STX16: variants seen among roughly 807,000 people sequenced by gnomAD.
STX16 encodes the protein syntaxin-16.
In STX16, 28 loss-of-function variants were observed where a neutral mutation model predicts 42.7. The observed-to-expected ratio is 0.66, with a 90% confidence interval of 0.49 to 0.90. The LOEUF (loss-of-function observed/expected upper bound fraction) is 0.90. Ranked by LOEUF, STX16 falls within the 40% of genes least tolerant of loss-of-function variation. The pLI, the probability that STX16 is intolerant of heterozygous loss-of-function variation, is 0.00. For synonymous variants in STX16, 156 were observed against 155.2 expected (o/e 1.00, Z -0.04); for missense variants, 361 against 420.9 (o/e 0.86, Z 1.24).
At position 58,667,537 on chromosome 20, in the gene STX16, A is replaced by G; in HGVS notation, c.192A>G (p.Pro64=). ...TGGTGTCAGGCATCAGCTTAGATCC[A>G]GAAGCAGCGATTGGTGTGACAAAAC... ...MALVSGISLD[P]EAAIGVTKRP... The change falls in exon 3 of 9, where the codon CCA becomes CCG. Residue 64 remains proline, a synonymous_variant. Transcript: ENST00000371141. 2 of 1,614,200 alleles carry G rather than the reference A, an allele frequency of 1.2e-6. No individual in the cohort carries two copies. The highest frequency in any genetic ancestry group is 1.7e-6 in the Non-Finnish European group (2 of 1,180,042).
intron 1 of STX16, 34 bp from the exon 2 acceptor site, chr20:58,659,589 G>C: frequency 6.2e-7 from 1 of 1,608,370 alleles, no homozygotes; most frequent in South Asian, 1.1e-5. Flanking sequence ...TTCCCCAACT[G>C]GATGGGACTG....
At chr20:58,652,279 G>A (rs1225458353) in intron 1 of STX16, 141 bp downstream of exon 1, 3 of 1,255,190 alleles carry the variant, frequency 2.4e-6, no homozygotes, top group Non-Finnish European at 3.3e-6. Context: ...CTTGGCTAGA[G>A]TCAGGGGGCA....
At position 58,679,410 on chromosome 20, in the gene STX16, T is replaced by C. The variant is rs2084218431; in HGVS notation, c.*3119T>C. The C allele has an allele frequency of 6.6e-6, 1 of 152,666 alleles. No homozygotes were observed. The highest frequency in any genetic ancestry group is 1.5e-5 in the Non-Finnish European group (1 of 68,030). 9.5% of individuals were successfully genotyped at this position (152,666 alleles called of 1,614,324 possible). Reference sequence around the variant, plus strand: ...TAAAGCAATTAGTGAAGCACTTCTATCCAAAATGACTTTTTTGTCCTTTTT... The same window carrying C: ...TAAAGCAATTAGTGAAGCACTTCTACCCAAAATGACTTTTTTGTCCTTTTT... On this transcript the variant is annotated 3_prime_UTR_variant, in exon 9 of 9. Coordinates refer to ENST00000371141, the MANE Select transcript of STX16 (RefSeq NM_001001433.3).
chr20:58,665,510 G>A (rs555729289), intron 2 of STX16, among the ~76,000 whole-genome samples: 5 of 152,080 alleles, frequency 3.3e-5, no homozygotes, highest in African/African-American at 9.7e-5. Context: ...TTGGGCAAGC[G>A]ACTTAACTTT....
chr20:58,667,802 AAG>A (rs1416173269), intron 3 of STX16, among the ~76,000 whole-genome samples, 183 bp from the exon 4 acceptor site: 1 of 152,226 alleles, frequency 6.6e-6, no homozygotes, highest in African/African-American at 2.4e-5. Flanking sequence ...GAATTATAGG[AAG>A]AAATTGAAAC....
At position 58,651,714 on chromosome 20, in the gene STX16, T is replaced by G; in HGVS notation, c.-293T>G. 2 of 312,970 alleles carry G rather than the reference T, an allele frequency of 6.4e-6. No homozygotes were observed. Among genetic ancestry groups the G allele is most frequent in the South Asian group, 3.6e-5 (1 of 27,636 alleles). The allele number at this position is 312,970 out of a possible 1,614,324, so 19.4% of individuals were successfully genotyped here. ...GATCCAAGGTTGGATTGGGGTGGGG[T>G]CTCTGGGACGTTGGATCGCTACGCA... On this transcript the variant is annotated 5_prime_UTR_variant, in exon 1 of 9. Coordinates refer to ENST00000371141, the MANE Select transcript of STX16 (RefSeq NM_001001433.3).
In STX16 at chr20:58,651,914, G is replaced by C; in HGVS notation, c.-93G>C. ...CCTTGTCGAGAAGCTTCCGTGAAAG[G>C]GTGGGCCAGCCGGGCCACGAGAAAG... On this transcript the variant is annotated 5_prime_UTR_variant, in exon 1 of 9. Coordinates refer to ENST00000371141, the MANE Select transcript of STX16 (RefSeq NM_001001433.3). 1 of 1,399,084 alleles carries C rather than the reference G, an allele frequency of 7.1e-7. No individual in the cohort carries two copies. The highest frequency in any genetic ancestry group is 2.3e-5 in the East Asian group (1 of 43,474). 86.7% of individuals were successfully genotyped at this position (1,399,084 alleles called of 1,614,324 possible). A position where few individuals can be genotyped will look rare whatever the true frequency, so the allele number is the denominator to read the frequency against.
chr20:58,673,725 C>A lies in STX16; in HGVS notation c.873+14C>A. Reference sequence around the variant, plus strand: ...CAGCTTCACAAGGTAATATGTCTTTCAAGACTTGGGAATCTTAGGAACTAT... The same window carrying A: ...CAGCTTCACAAGGTAATATGTCTTTAAAGACTTGGGAATCTTAGGAACTAT... On this transcript the variant is annotated intron_variant, in intron 8 of 8. Coordinates refer to ENST00000371141, the MANE Select transcript of STX16 (RefSeq NM_001001433.3). 1.3e-6 allele frequency: 2 copies of A among 1,582,760 alleles called. No homozygotes were observed. The highest frequency in any genetic ancestry group is 1.7e-6 in the Non-Finnish European group (2 of 1,151,912).
chr20:58,668,350 G>A (rs555652426), intron 4 of STX16, among the ~76,000 whole-genome samples: 47 of 152,292 alleles, frequency 3.1e-4, no homozygotes, highest in African/African-American at 1.1e-3. Context: ...AACTGCTGTG[G>A]ACGGATTAAG....
chr20:58,652,882 C>T (rs2083502881), intron 1 of STX16, among the ~76,000 whole-genome samples: 1 of 151,570 alleles, frequency 6.6e-6, no homozygotes, highest in South Asian at 2.1e-4. Context: ...TTTTAATTAA[C>T]CACAACCTTT....
intron 7 of STX16, among the ~76,000 whole-genome samples, chr20:58,671,661 A>G (rs1044854322): frequency 1.3e-5 from 2 of 152,168 alleles, no homozygotes; most frequent in Non-Finnish European, 2.9e-5. Flanking sequence ...TAACAGTTAC[A>G]TGATTCTCAT....
intron 7 of STX16, among the ~76,000 whole-genome samples, chr20:58,672,726 G>A (rs1200686848): frequency 6.6e-6 from 1 of 152,174 alleles, no homozygotes; most frequent in African/African-American, 2.4e-5. Flanking sequence ...GACTCTGACC[G>A]AGCTCAGCAA....
intron 2 of STX16, among the ~76,000 whole-genome samples, chr20:58,662,656 G>A (rs1193462233): frequency 6.6e-6 from 1 of 152,122 alleles, no homozygotes; most frequent in Non-Finnish European, 1.5e-5. Context: ...GACTACAGGT[G>A]CGTGCCACCA....
At position 58,671,217 on chromosome 20, in the gene STX16, C is replaced by T. The variant is rs759584494; in HGVS notation, c.712C>T (p.Arg238Ter). ...CACACTGATGGTGGAAGAGCGGGAA[C>T]GAGAGATTCGCCAGATTGTACAGTC... ...QNTLMVEEREREIRQIVQSIS... is the reference protein window; with the variant it reads ...QNTLMVEERE The change falls in exon 7 of 9, where the codon CGA (arginine) becomes TGA (stop). Residue 238 changes from arginine (R) to a stop codon, truncating the protein, a stop_gained. Coordinates refer to ENST00000371141, the MANE Select transcript of STX16 (RefSeq NM_001001433.3). LOFTEE classifies it high-confidence loss of function. 1 of 1,613,884 alleles carries T rather than the reference C, an allele frequency of 6.2e-7. No homozygotes were observed. Among genetic ancestry groups the T allele is most frequent in the East Asian group, 2.2e-5 (1 of 44,876 alleles).
Position 58,677,097 on chromosome 20 carries a change from G to A in STX16, c.*806G>A, listed in dbSNP as rs1470144865. On this transcript the variant is annotated 3_prime_UTR_variant, in exon 9 of 9. Coordinates refer to ENST00000371141, the MANE Select transcript of STX16 (RefSeq NM_001001433.3). The stretch of plus-strand genomic sequence containing the variant: ...TAAATGAATCTCACATTAAAAGAAA[G>A]CTTGACAGTGTTATGAAAGCCACCA... The A allele has an allele frequency of 6.6e-6, 1 of 152,624 alleles. No homozygotes were observed. Among genetic ancestry groups the A allele is most frequent in the Non-Finnish European group, 1.5e-5 (1 of 68,026 alleles). The allele number at this position is 152,624 out of a possible 1,614,324, so 9.5% of individuals were successfully genotyped here. A position where few individuals can be genotyped will look rare whatever the true frequency, so the allele number is the denominator to read the frequency against.
At chr20:58,652,968 T>A (rs1201685621) in intron 1 of STX16, among the ~76,000 whole-genome samples, 1 of 152,200 alleles carries the variant, frequency 6.6e-6, no homozygotes, top group Non-Finnish European at 1.5e-5. Flanking sequence ...TAATGGGGGC[T>A]ACTTTTCCCT....
chr20:58,660,064 G>A (rs2083665378), intron 2 of STX16, among the ~76,000 whole-genome samples: 1 of 152,084 alleles, frequency 6.6e-6, no homozygotes, highest in South Asian at 2.1e-4. Context: ...ACTGTGGGAG[G>A]GTCTTCCTTG....
intron 1 of STX16, among the ~76,000 whole-genome samples, chr20:58,653,836 A>G (rs989750562): frequency 2.0e-5 from 3 of 150,730 alleles, no homozygotes; most frequent in Non-Finnish European, 4.4e-5. Context: ...AATACCCTGA[A>G]CCTTTGGGTA....
At chr20:58,664,561 A>G (rs2083771930) in intron 2 of STX16, among the ~76,000 whole-genome samples, 1 of 152,338 alleles carries the variant, frequency 6.6e-6, no homozygotes, top group East Asian at 1.9e-4. Context: ...TCTAATTAGC[A>G]AGCTTCCTTA....
Sources: allele counts gnomAD v4.1 joint callset (sites outside exome capture counted in the v4.1 genomes callset), GRCh38; gene constraint gnomAD v4.1.1; transcripts MANE v1.5; gene names NCBI Gene and HGNC (gene_info 2026-07-23, HGNC 2026-07-21).